FHL2: variants seen among roughly 807,000 people sequenced by gnomAD.
The protein encoded by FHL2 is four and a half LIM domains protein 2.
In FHL2, 20 loss-of-function variants were observed where a neutral mutation model predicts 32.7. That is an observed-to-expected ratio of 0.61 (90% confidence interval 0.43 to 0.89). The LOEUF (loss-of-function observed/expected upper bound fraction) is 0.89, where lower values mean the gene tolerates loss of function less well. Among genes scored for constraint, FHL2 ranks in the 40% least tolerant of loss-of-function variants. The probability of loss-of-function intolerance (pLI) is 0.00; values close to 1 mark genes in which losing one functional copy is unlikely to be tolerated. For synonymous variants in FHL2, 123 were observed against 128.1 expected (o/e 0.96, Z 0.27); for missense variants, 311 against 358.6 (o/e 0.87, Z 1.07).
At chr2:105,430,716 T>C (rs1411786403) in intron 1 of FHL2, among the ~76,000 whole-genome samples, 1 of 152,184 alleles carries the variant, frequency 6.6e-6, no homozygotes, top group Non-Finnish European at 1.5e-5. Flanking sequence ...CCCTTTTGTG[T>C]AGGAGTTGGG....
intron 1 of FHL2, among the ~76,000 whole-genome samples, chr2:105,422,462 ATT>A (rs1014086736): frequency 6.6e-6 from 1 of 151,854 alleles, no homozygotes; most frequent in African/African-American, 2.4e-5. Context: ...TAAGAGAAAT[ATT>A]TTTTTTATTT....
intron 2 of FHL2, among the ~76,000 whole-genome samples, chr2:105,393,909 G>T (rs1277818581): frequency 6.6e-6 from 1 of 152,184 alleles, no homozygotes; most frequent in Non-Finnish European, 1.5e-5. Context: ...CAGCTGCACA[G>T]TCCAGGATGC....
At chr2:105,369,178 T>C (rs889476725) in intron 4 of FHL2, among the ~76,000 whole-genome samples, 1 of 152,136 alleles carries the variant, frequency 6.6e-6, no homozygotes, top group Non-Finnish European at 1.5e-5. Flanking sequence ...TGACTTCAAC[T>C]GGGGGTCAGG....
At position 105,363,373 on chromosome 2, in the gene FHL2, G is replaced by A. The variant is rs1680410251; in HGVS notation, c.600C>T (p.Phe200=). 9 of 1,614,144 alleles carry A rather than the reference G, an allele frequency of 5.6e-6. No homozygotes were observed. Among genetic ancestry groups the A allele is most frequent in the South Asian group, 2.2e-5 (2 of 91,048 alleles). Reference sequence around the variant, plus strand: ...AGTAGGCAAAGTCATCGCGAGCTGTGAAGCGCTGCCCAGACAGCTGCTTCC... The same window carrying A: ...AGTAGGCAAAGTCATCGCGAGCTGTAAAGCGCTGCCCAGACAGCTGCTTCC... ...ACRKQLSGQR[F]TARDDFAYCL... The change falls in exon 6 of 7, where the codon TTC becomes TTT. Residue 200 remains phenylalanine, a synonymous_variant. Coordinates refer to ENST00000530340, the MANE Select transcript of FHL2 (RefSeq NM_001318895.3).
intron 5 of FHL2, among the ~76,000 whole-genome samples, chr2:105,365,977 G>A (rs1385044630): frequency 6.6e-6 from 1 of 152,182 alleles, no homozygotes; most frequent in East Asian, 1.9e-4. Flanking sequence ...GGTGGAGGCA[G>A]GTCGATCACC....
chr2:105,408,607 G>A (rs1683704728), intron 1 of FHL2, among the ~76,000 whole-genome samples: 1 of 152,222 alleles, frequency 6.6e-6, no homozygotes, highest in Non-Finnish European at 1.5e-5. Flanking sequence ...CGTGGATGCA[G>A]AGAAAGGACA....
At chr2:105,379,341 C>T (rs1327588918) in intron 3 of FHL2, among the ~76,000 whole-genome samples, 1 of 152,208 alleles carries the variant, frequency 6.6e-6, no homozygotes, top group East Asian at 1.9e-4. Flanking sequence ...CAATGTGTCA[C>T]TTGCTGAACC....
rs540818931 is a variant in FHL2, at chr2:105,388,935, G to A, written c.-24-2395C>T. Among the ~76,000 whole-genome samples the A allele has an allele frequency of 1.8e-4, 28 of 152,336 alleles. No individual in the cohort carries two copies. The East Asian group carries it at 3.3e-3, about 18-fold the overall frequency. ...AATTTGCAGTCTTCAAAAGATAGGC[G>A]AGTGAAATGCCAGAATCAGACCTTC... On this transcript the variant is annotated intron_variant, in intron 2 of 6. Transcript: ENST00000530340.
At chr2:105,371,049 G>A (rs930136752) in intron 4 of FHL2, among the ~76,000 whole-genome samples, 1 of 152,122 alleles carries the variant, frequency 6.6e-6, no homozygotes, top group African/African-American at 2.4e-5. Flanking sequence ...TATTCAGTAT[G>A]GGTTACCTCT....
chr2:105,420,270 T>C (rs1285992409), intron 1 of FHL2, among the ~76,000 whole-genome samples: 2 of 152,184 alleles, frequency 1.3e-5, no homozygotes, highest in Admixed American at 1.3e-4. Context: ...TGGCATCCCT[T>C]GGCTTGTAGA....
At chr2:105,399,395 C>T, upstream of FHL2, 1 of 1,536,078 alleles carries the variant, frequency 6.5e-7, no homozygotes, top group Non-Finnish European at 8.7e-7. Context: ...GAGCGGGAGA[C>T]TGGAGAAGCC....
chr2:105,371,879 C>T (rs997563941), intron 4 of FHL2, among the ~76,000 whole-genome samples: 28 of 152,298 alleles, frequency 1.8e-4, no homozygotes, highest in African/African-American at 6.0e-4. Flanking sequence ...GGGCAGGACA[C>T]AGGTCAGCCT....
chr2:105,438,486 C>A, exon 1 of FHL2: 10 of 985,584 alleles, frequency 1.0e-5, no homozygotes, highest in Non-Finnish European at 1.2e-5. Flanking sequence ...TGGATGGCCC[C>A]AACCTTCTGT....
chr2:105,411,798 G>A (rs1402965326), intron 1 of FHL2, among the ~76,000 whole-genome samples: 2 of 151,586 alleles, frequency 1.3e-5, no homozygotes, highest in Non-Finnish European at 2.9e-5. Flanking sequence ...CTCCAGCCTG[G>A]GCAACAGAGC....
chr2:105,400,264 T>C (rs557828824), upstream of FHL2, among the ~76,000 whole-genome samples: 2 of 152,292 alleles, frequency 1.3e-5, no homozygotes, highest in East Asian at 3.9e-4. Context: ...TGTAAGTATA[T>C]TACGGGATCA....
In FHL2 at chr2:105,363,483, AG is replaced by A; in HGVS notation, c.502-13del. ...CCCGTGGTGATGGGCTGCAGGGACG[AG>A]GGGGAGAGTTAGTGTGGCCTCTGTG... On this transcript the variant is annotated splice_polypyrimidine_tract_variant and intron_variant, in intron 5 of 6. Coordinates refer to ENST00000530340, the MANE Select transcript of FHL2 (RefSeq NM_001318895.3). The A allele has an allele frequency of 6.3e-7, 1 of 1,596,594 alleles. No homozygotes were observed. Among genetic ancestry groups the A allele is most frequent in the South Asian group, 1.1e-5 (1 of 88,360 alleles).
intron 3 of FHL2, chr2:105,378,071 C>G (rs1418972739): frequency 6.4e-6 from 3 of 471,080 alleles, no homozygotes; most frequent in Non-Finnish European, 1.3e-5. Context: ...ACAGCCAGTG[C>G]TCCGGTCATT....
chr2:105,396,127 T>G, intron 2 of FHL2, among the ~76,000 whole-genome samples: 1 of 152,026 alleles, frequency 6.6e-6, no homozygotes, highest in South Asian at 2.1e-4. Context: ...ATAGTCAGGG[T>G]TTTCTAGAAA....
At chr2:105,373,798 G>T in intron 3 of FHL2, 65 bp from the exon 4 acceptor site, 2 of 1,564,254 alleles carry the variant, frequency 1.3e-6, no homozygotes, top group South Asian at 1.1e-5. Context: ...CACAGCATAG[G>T]GGCCCCTTGC....
Sources: gnomAD v4.1 joint callset for allele counts (sites outside exome capture counted in the v4.1 genomes callset) on GRCh38, gnomAD v4.1.1 for gene constraint, MANE v1.5 for transcripts, NCBI Gene and HGNC (gene_info 2026-07-23, HGNC 2026-07-21) for gene names.